Variants in GPR39 observed in about 807,000 individuals in gnomAD.
GPR39 encodes the protein zinc sensing receptor.
A neutral mutation model predicts 18.4 loss-of-function variants in GPR39; 23 were observed. The ratio of observed to expected loss-of-function variants is 1.25; its 90% CI spans 0.90 to 1.77. GPR39 has a LOEUF of 1.77. GPR39 is among the 40% of genes most tolerant of loss of function. GPR39 has a pLI of 0.00. For missense variants in GPR39, 647 were observed against 602.4 expected, an observed-to-expected ratio of 1.07 and a Z score of -0.78; for synonymous variants, 280 against 257.9, an observed-to-expected ratio of 1.09 and a Z score of -0.82.
intron 1 of GPR39, among the ~76,000 whole-genome samples, chr2:132,523,195 G>A (rs1444810677): frequency 6.6e-6 from 1 of 152,168 alleles, no homozygotes; most frequent in Non-Finnish European, 1.5e-5. Context: ...ACTGAAGTTA[G>A]GTATTCACCT....
chr2:132,436,280 A>G (rs571173704), intron 1 of GPR39, among the ~76,000 whole-genome samples: 3 of 152,234 alleles, frequency 2.0e-5, no homozygotes, highest in Non-Finnish European at 2.9e-5. Context: ...CGATATATCA[A>G]AATGAATTTT....
At chr2:132,463,849 G>A (rs1680876248) in intron 1 of GPR39, among the ~76,000 whole-genome samples, 1 of 152,210 alleles carries the variant, frequency 6.6e-6, no homozygotes, top group Non-Finnish European at 1.5e-5. Context: ...GGGCAGGACT[G>A]GAATATCCGA....
chr2:132,542,473 C>A (rs771079159), intron 1 of GPR39, among the ~76,000 whole-genome samples: 4 of 152,176 alleles, frequency 2.6e-5, no homozygotes, highest in Admixed American at 2.0e-4. Context: ...GTTTCTAAGG[C>A]CCCTTCTGCT....
At chr2:132,455,219 T>C (rs1283983650) in intron 1 of GPR39, among the ~76,000 whole-genome samples, 1 of 152,200 alleles carries the variant, frequency 6.6e-6, no homozygotes, top group Non-Finnish European at 1.5e-5. Context: ...GGAGGGTGTA[T>C]GTGTCCAGGA....
At chr2:132,504,643 G>T (rs1007649195) in intron 1 of GPR39, among the ~76,000 whole-genome samples, 1 of 152,032 alleles carries the variant, frequency 6.6e-6, no homozygotes, top group Non-Finnish European at 1.5e-5. Flanking sequence ...CACACTTCTC[G>T]ATTTTAGCTC....
intron 1 of GPR39, among the ~76,000 whole-genome samples, chr2:132,496,478 A>G (rs1379805472): frequency 6.6e-6 from 1 of 152,232 alleles, no homozygotes; most frequent in Non-Finnish European, 1.5e-5. Flanking sequence ...AACAAAGGCA[A>G]CAGCCTGAAA....
chr2:132,555,299 A>G (rs1414316411), intron 1 of GPR39, among the ~76,000 whole-genome samples: 1 of 152,172 alleles, frequency 6.6e-6, no homozygotes, highest in Non-Finnish European at 1.5e-5. Context: ...CAAATTACCC[A>G]AAACCTAGTG....
In GPR39 at chr2:132,598,431, CT is replaced by C. The variant is rs34104835; in HGVS notation, c.857-46649del. Among the ~76,000 whole-genome samples, 680 of 90,454 alleles carry C rather than the reference CT, an allele frequency of 7.5e-3. 6 individuals carry two copies. Among genetic ancestry groups the C allele is most frequent in the African/African-American group, 0.023 (520 of 22,260 alleles). 59.3% of individuals were successfully genotyped at this position (90,454 alleles called of 152,430 possible). A position where few individuals can be genotyped will look rare whatever the true frequency, so the allele number is the denominator to read the frequency against. On this transcript the variant is annotated intron_variant, in intron 1 of 1. Coordinates refer to ENST00000329321, the MANE Select transcript of GPR39 (RefSeq NM_001508.3). ...TCTGATTTGGCTGGTCTAAGGTGAACTTTTTTTTTTTTTTTTTTTTTAAGCA... is the reference window on the plus strand; with the variant it reads ...TCTGATTTGGCTGGTCTAAGGTGAACTTTTTTTTTTTTTTTTTTTTAAGCA...
chr2:132,553,865 A>T (rs766158911), intron 1 of GPR39, among the ~76,000 whole-genome samples: 12 of 152,142 alleles, frequency 7.9e-5, no homozygotes, highest in Non-Finnish European at 1.6e-4. Flanking sequence ...CCTGAAAAAA[A>T]CACCACCAGG....
At chr2:132,619,092 G>A (rs1681389105) in intron 1 of GPR39, among the ~76,000 whole-genome samples, 2 of 152,156 alleles carry the variant, frequency 1.3e-5, no homozygotes, top group South Asian at 4.1e-4. Flanking sequence ...CCTTTTCCAG[G>A]GTGCTGGGTT....
intron 1 of GPR39, among the ~76,000 whole-genome samples, chr2:132,431,787 T>C (rs2104759182): frequency 6.6e-6 from 1 of 152,320 alleles, no homozygotes; most frequent in East Asian, 1.9e-4. Flanking sequence ...GTGGTGGGGA[T>C]GATGGCAAAT....
chr2:132,629,499 T>A (rs780013788), intron 1 of GPR39, among the ~76,000 whole-genome samples: 1 of 152,248 alleles, frequency 6.6e-6, no homozygotes, highest in Non-Finnish European at 1.5e-5. Flanking sequence ...ATGTGAATTA[T>A]GTGTAATGTG....
Position 132,645,426 on chromosome 2 carries a change from C to G in GPR39, c.1182C>G (p.Phe394Leu). Residue 394 changes from phenylalanine to leucine, a missense_variant, in exon 2 of 2, where the codon TTC (phenylalanine) becomes TTG (leucine). This residue lies in a region of GPR39 where 581 missense variants were observed against 506.8 expected (regional missense o/e 1.15). Coordinates refer to ENST00000329321, the MANE Select transcript of GPR39 (RefSeq NM_001508.3). ...GCTTTGTGCAGCGCCCGTTGCTCTT[C>G]GCGTCCCGGCGCCAGTCCTCTGCAA... The part of the protein sequence containing the change: ...SARFVQRPLL[F>L]ASRRQSSARR... 7 of 1,613,534 alleles carry G rather than the reference C, an allele frequency of 4.3e-6. No homozygotes were observed. Among genetic ancestry groups the G allele is most frequent in the Non-Finnish European group, 5.9e-6 (7 of 1,180,034 alleles).
At chr2:132,534,027 A>G (rs1252742262) in intron 1 of GPR39, among the ~76,000 whole-genome samples, 1 of 152,234 alleles carries the variant, frequency 6.6e-6, no homozygotes, top group Non-Finnish European at 1.5e-5. Flanking sequence ...CTGCACAGCA[A>G]AAGAAACTAT....
chr2:132,621,485 T>C (rs758561593), intron 1 of GPR39, among the ~76,000 whole-genome samples: 1 of 152,184 alleles, frequency 6.6e-6, no homozygotes, highest in Non-Finnish European at 1.5e-5. Flanking sequence ...TGTTTTCCAA[T>C]TGATTGGTTC....
At chr2:132,630,488 G>A (rs532044654) in intron 1 of GPR39, among the ~76,000 whole-genome samples, 1 of 152,310 alleles carries the variant, frequency 6.6e-6, no homozygotes, top group Admixed American at 6.5e-5. Flanking sequence ...GGAGGAATAA[G>A]CCTGGTTAGA....
chr2:132,492,572 C>CAT (rs543084794), intron 1 of GPR39, among the ~76,000 whole-genome samples: 2,500 of 125,922 alleles, frequency 0.02, 89 homozygotes, highest in African/African-American at 0.051. Context: ...CGATATATAC[C>CAT]ATATATATAC....
chr2:132,539,546 A>G (rs1227538920), intron 1 of GPR39, among the ~76,000 whole-genome samples: 2 of 152,134 alleles, frequency 1.3e-5, no homozygotes, highest in Admixed American at 6.6e-5. Context: ...ATATTTTGGG[A>G]TAGAGAAGTT....
At chr2:132,434,587 A>G (rs776139020) in intron 1 of GPR39, among the ~76,000 whole-genome samples, 6 of 152,178 alleles carry the variant, frequency 3.9e-5, no homozygotes, top group Non-Finnish European at 7.3e-5. Context: ...GGGGCCATAA[A>G]GACCTTTAAG....
Sources: gnomAD v4.1 joint callset for allele counts (sites outside exome capture counted in the v4.1 genomes callset) on GRCh38, gnomAD v4.1.1 for gene constraint, gnomAD v4.1.1 regional missense constraint, MANE v1.5 for transcripts, NCBI Gene and HGNC (gene_info 2026-07-23, HGNC 2026-07-21) for gene names.